Variants in SLC2A11 observed in about 807,000 individuals in gnomAD.
The protein encoded by SLC2A11 is solute carrier family 2, facilitated glucose transporter member 11.
SLC2A11 carries 43 observed loss-of-function variants against 52.1 expected under a neutral mutation model. The observed-to-expected ratio is 0.82, with a 90% CI of 0.65 to 1.06. SLC2A11 has a LOEUF of 1.06. Among genes scored for constraint, SLC2A11 ranks in the 50% least tolerant of loss-of-function variants. SLC2A11 has a pLI of 0.00. For synonymous variants in SLC2A11, 261 were observed against 277.6 expected, an observed-to-expected ratio of 0.94 and a Z score of 0.59; for missense variants, 582 against 654.2, an observed-to-expected ratio of 0.89 and a Z score of 1.20.
At chr22:23,882,730 GC>G in intron 7 of SLC2A11, 28 bp from the exon 8 acceptor site, 1 of 1,607,340 alleles carries the variant, frequency 6.2e-7, no homozygotes, top group African/African-American at 1.3e-5. Context: ...GTGGAAGGGA[GC>G]CCAGGCCTGA....
chr22:23,879,236 G>A (rs560822571), intron 6 of SLC2A11, among the ~76,000 whole-genome samples: 101 of 152,114 alleles, frequency 6.6e-4, no homozygotes, highest in Admixed American at 2.9e-3. Flanking sequence ...TGATCAGCAC[G>A]GAAGTTTTCT....
chr22:23,862,612 C>A (rs1601487025), intron 2 of SLC2A11, among the ~76,000 whole-genome samples: 1 of 152,036 alleles, frequency 6.6e-6, no homozygotes, highest in Non-Finnish European at 1.5e-5. Context: ...TCAAGTCACT[C>A]CCCTGCTCAG....
chr22:23,863,537 G>A (rs1474270299), intron 2 of SLC2A11, among the ~76,000 whole-genome samples: 5 of 152,010 alleles, frequency 3.3e-5, no homozygotes, highest in Admixed American at 3.3e-4. Flanking sequence ...ACAGCACTGA[G>A]GGAGAGCTGC....
chr22:23,857,962 C>G lies in SLC2A11; in HGVS notation c.-38C>G. 2 of 1,591,388 alleles carry G rather than the reference C, an allele frequency of 1.3e-6. No homozygotes were observed. Among genetic ancestry groups the G allele is most frequent in the East Asian group, 2.3e-5 (1 of 43,066 alleles). On this transcript the variant is annotated 5_prime_UTR_variant, in exon 1 of 12. Transcript: ENST00000316185. ...CTTGCTAATGGCAGCCGGGGTCTCCCTGGGACAGCAAGACCTCCGCTCAGG... is the reference window on the plus strand; with the variant it reads ...CTTGCTAATGGCAGCCGGGGTCTCCGTGGGACAGCAAGACCTCCGCTCAGG...
At chr22:23,861,402 G>A (rs2032061650) in intron 1 of SLC2A11, among the ~76,000 whole-genome samples, 3 of 150,846 alleles carry the variant, frequency 2.0e-5, no homozygotes, top group East Asian at 2.0e-4. Context: ...GTGTTTCACT[G>A]TCCTTTTGTG....
chr22:23,868,567 C>T lies in SLC2A11; in HGVS notation c.216C>T (p.Leu72=). The change falls in exon 3 of 12, where the codon CTC becomes CTT. Residue 72 remains leucine (L), a synonymous_variant. Transcript: ENST00000316185. ...ACCTAGTCCTGCTTATGTGGTCCCTCATCGTGTCTCTGTATCCCCTGGGAG... is the reference window on the plus strand; with the variant it reads ...ACCTAGTCCTGCTTATGTGGTCCCTTATCGTGTCTCTGTATCCCCTGGGAG... ...PDHLVLLMWS[L]IVSLYPLGGL... 8 of 1,614,242 alleles carry T rather than the reference C, an allele frequency of 5.0e-6. No homozygotes were observed. Among genetic ancestry groups the T allele is most frequent in the Non-Finnish European group, 6.8e-6 (8 of 1,180,046 alleles).
At chr22:23,858,112 T>C (rs1034323974) in intron 1 of SLC2A11, 83 bp downstream of exon 1, 2 of 1,526,928 alleles carry the variant, frequency 1.3e-6, no homozygotes, top group Non-Finnish European at 8.9e-7. Context: ...TGCAGCCACC[T>C]GGGAGGCTTA....
chr22:23,877,907 C>G, intron 6 of SLC2A11, 38 bp downstream of exon 6: 2 of 1,580,496 alleles, frequency 1.3e-6, no homozygotes, highest in Non-Finnish European at 1.7e-6. Context: ...CTGCCCTTGA[C>G]CAAGGGATGC....
chr22:23,862,438 TG>T, intron 2 of SLC2A11: 1 of 494,976 alleles, frequency 2.0e-6, no homozygotes, highest in South Asian at 3.0e-5. Context: ...CACCTAGTGA[TG>T]GGGGGTCAGC....
At chr22:23,858,269 A>G in intron 1 of SLC2A11, 1 of 672,658 alleles carries the variant, frequency 1.5e-6, no homozygotes, top group East Asian at 2.8e-5. Context: ...CCCAGCCCCC[A>G]GAGATGCTAA....
intron 8 of SLC2A11, 166 bp from the exon 9 acceptor site, chr22:23,883,606 G>A (rs1568998803): frequency 3.6e-6 from 2 of 558,476 alleles, no homozygotes; most frequent in Admixed American, 7.6e-5. Context: ...CTGAAGTTGG[G>A]TGATTGATTG....
At chr22:23,868,317 C>A in intron 2 of SLC2A11, 164 bp from the exon 3 acceptor site, 1 of 724,298 alleles carries the variant, frequency 1.4e-6, no homozygotes, top group Non-Finnish European at 2.3e-6. Context: ...AAGGGAGGTG[C>A]TCAGGCGAGT....
chr22:23,857,944 A>G lies in SLC2A11; in HGVS notation c.-56A>G. The G allele has an allele frequency of 1.3e-6, 2 of 1,593,924 alleles. No homozygotes were observed. The highest frequency in any genetic ancestry group is 2.3e-5 in the East Asian group (1 of 43,498). On this transcript the variant is annotated 5_prime_UTR_variant, in exon 1 of 12. The change abolishes an upstream ATG in the 5' untranslated region. Transcript: ENST00000316185. Reference sequence around the variant, plus strand: ...CAGGCTGCCGGCTCACCGCTTGCTAATGGCAGCCGGGGTCTCCCTGGGACA... The same window carrying G: ...CAGGCTGCCGGCTCACCGCTTGCTAGTGGCAGCCGGGGTCTCCCTGGGACA...
intron 1 of SLC2A11, among the ~76,000 whole-genome samples, chr22:23,859,574 G>T (rs1298922907): frequency 2.0e-5 from 3 of 151,854 alleles, no homozygotes; most frequent in Admixed American, 2.0e-4. Flanking sequence ...TGCAACCTCC[G>T]CCTCCCTCCC....
upstream of SLC2A11, chr22:23,857,071 T>TGGGGGGGGGGGGG (rs1267660761): frequency 1.0e-5 from 3 of 301,398 alleles, no homozygotes; most frequent in African/African-American, 7.9e-5. Context: ...AGTGTGTGTG[T>TGGGGGGGGGGGGG]GTGGGGGGGG....
At chr22:23,873,071 G>C (rs1386828276) in intron 3 of SLC2A11, 1 of 152,392 alleles carries the variant, frequency 6.6e-6, no homozygotes, top group Non-Finnish European at 1.5e-5. Flanking sequence ...ACCCAGGCTA[G>C]AGTGCAATGG....
chr22:23,878,094 C>T (rs2032683540), intron 6 of SLC2A11, among the ~76,000 whole-genome samples: 1 of 152,210 alleles, frequency 6.6e-6, no homozygotes, highest in South Asian at 2.1e-4. Context: ...CACTGTTACT[C>T]AAGAACTCCA....
At chr22:23,880,673 A>T (rs1244980982) in intron 6 of SLC2A11, 3 of 152,252 alleles carry the variant, frequency 2.0e-5, no homozygotes, top group African/African-American at 7.2e-5. Flanking sequence ...CTGTTACTTA[A>T]TTTGGGATTC....
chr22:23,868,362 GTGCCTGTTGTCAT>G, intron 2 of SLC2A11, 106 bp from the exon 3 acceptor site: 2 of 1,256,094 alleles, frequency 1.6e-6, no homozygotes, highest in Non-Finnish European at 2.2e-6. Flanking sequence ...AGAAGACACG[GTGCCTGTTGTCAT>G]TGCCTGTTCT....
Sources: allele counts gnomAD v4.1 joint callset (sites outside exome capture counted in the v4.1 genomes callset), GRCh38; gene constraint gnomAD v4.1.1; transcripts MANE v1.5; gene names NCBI Gene and HGNC (gene_info 2026-07-23, HGNC 2026-07-21).